The following KCNIP1 variants were observed in gnomAD, a reference collection of about 807,000 sequenced individuals.
KCNIP1 encodes A-type potassium channel modulatory protein KCNIP1.
In KCNIP1, 18 loss-of-function variants were observed where a neutral mutation model predicts 33.0. The observed-to-expected ratio is 0.55, with a 90% CI of 0.38 to 0.81. KCNIP1 has a LOEUF of 0.81. KCNIP1 is among the 30% of genes least tolerant of loss of function. The probability of loss-of-function intolerance (pLI) is 0.00; values close to 1 mark genes in which losing one functional copy is unlikely to be tolerated. For missense variants in KCNIP1, 238 were observed against 271.6 expected, an observed-to-expected ratio of 0.88 and a Z score of 0.87; for synonymous variants, 93 against 98.3, an observed-to-expected ratio of 0.95 and a Z score of 0.32.
chr5:170,731,641 C>T (rs528939392), intron 5 of KCNIP1, among the ~76,000 whole-genome samples: 11 of 147,696 alleles, frequency 7.4e-5, no homozygotes, highest in Admixed American at 4.1e-4. Flanking sequence ...GCTGCAGTGA[C>T]GGGGATTGTG....
At chr5:170,464,331 T>C (rs902096777) in intron 1 of KCNIP1, among the ~76,000 whole-genome samples, 1 of 152,194 alleles carries the variant, frequency 6.6e-6, no homozygotes, top group Non-Finnish European at 1.5e-5. Flanking sequence ...GATTTACAGA[T>C]TTAATGCAAC....
chr5:170,560,096 A>G (rs1756982046), intron 1 of KCNIP1, among the ~76,000 whole-genome samples: 1 of 152,144 alleles, frequency 6.6e-6, no homozygotes, highest in Admixed American at 6.5e-5. Context: ...CTCAGGAGCT[A>G]CCACTGAGTG....
intron 1 of KCNIP1, among the ~76,000 whole-genome samples, chr5:170,432,098 G>A (rs1755757270): frequency 6.6e-6 from 1 of 150,682 alleles, no homozygotes; most frequent in Non-Finnish European, 1.5e-5. Context: ...AAAAAAGCAA[G>A]TTGCTGGTTT....
At chr5:170,730,987 C>T (rs906393502) in intron 5 of KCNIP1, among the ~76,000 whole-genome samples, 3 of 152,044 alleles carry the variant, frequency 2.0e-5, no homozygotes. Context: ...TGTAAATAAA[C>T]AACTGAATAC....
In KCNIP1 at chr5:170,390,517, A is replaced by AATATATATATATATATATATATATAT. The variant is rs1554088940; in HGVS notation, c.88+36575_88+36576insATATATATATATATATATATATATAT. Among the ~76,000 whole-genome samples the AATATATATATATATATATATATATAT allele has an allele frequency of 1.2e-3, 91 of 74,442 alleles. 4 individuals are homozygous for AATATATATATATATATATATATATAT. The highest frequency in any genetic ancestry group is 2.8e-3 in the Admixed American group (19 of 6,802). 48.8% of individuals were successfully genotyped at this position (74,442 alleles called of 152,430 possible). On this transcript the variant is annotated intron_variant, in intron 1 of 7. Coordinates refer to the KCNIP1 transcript ENST00000377360. ...GACCCCGTCTCAAAAAAAAAAAACAAATATATATATATATATATATATTTT... is the reference window on the plus strand; with the variant it reads ...GACCCCGTCTCAAAAAAAAAAAACAAATATATATATATATATATATATATATATATATATATATATATATATATTTT...
intron 1 of KCNIP1, among the ~76,000 whole-genome samples, chr5:170,491,521 A>G (rs1757206075): frequency 6.6e-6 from 1 of 152,142 alleles, no homozygotes. Flanking sequence ...AATCTGGCTC[A>G]CAGTATAATA....
Position 170,535,758 on chromosome 5 carries a change from C to G in KCNIP1, c.61+31125C>G, listed in dbSNP as rs74833924. Among the ~76,000 whole-genome samples, 967 of 152,304 alleles carry G rather than the reference C, an allele frequency of 6.3e-3. 5 individuals are homozygous for G. The highest frequency in any genetic ancestry group is 0.021 in the African/African-American group (871 of 41,562). ...AATTAATATCATTGTAAATCTAACT[C>G]AAACATAATTAAGAAGTTAAATCTA... is the stretch of plus-strand genomic sequence containing the variant. On this transcript the variant is annotated intron_variant, in intron 1 of 7. Transcript: ENST00000328939.
At chr5:170,597,829 A>G (rs1380194735) in intron 1 of KCNIP1, among the ~76,000 whole-genome samples, 2 of 147,394 alleles carry the variant, frequency 1.4e-5, no homozygotes, top group Admixed American at 6.7e-5. Flanking sequence ...ATATATATAT[A>G]TGAAAGAAAG....
intron 1 of KCNIP1, chr5:170,669,602 G>C (rs924907264): frequency 1.0e-6 from 1 of 985,296 alleles, no homozygotes; most frequent in African/African-American, 1.7e-5. Flanking sequence ...GATACCGCTG[G>C]ATCAGCAGAA....
At chr5:170,717,397 C>T (rs1052029098) in intron 1 of KCNIP1, among the ~76,000 whole-genome samples, 1 of 152,126 alleles carries the variant, frequency 6.6e-6, no homozygotes, top group African/African-American at 2.4e-5. Context: ...AAATTGGCCA[C>T]TTGTCTCTGT....
intron 1 of KCNIP1, among the ~76,000 whole-genome samples, chr5:170,467,131 G>A (rs913551378): frequency 7.9e-5 from 12 of 152,180 alleles, no homozygotes; most frequent in African/African-American, 2.9e-4. Context: ...ATGTGCTGGC[G>A]GATGGCAAAG....
chr5:170,477,272 G>A (rs1257090450), intron 1 of KCNIP1, among the ~76,000 whole-genome samples: 1 of 151,290 alleles, frequency 6.6e-6, no homozygotes, highest in Non-Finnish European at 1.5e-5. Flanking sequence ...ACTTGGACCT[G>A]TAAATTCACT....
At chr5:170,627,172 T>G (rs1029314505) in intron 1 of KCNIP1, among the ~76,000 whole-genome samples, 1 of 152,220 alleles carries the variant, frequency 6.6e-6, no homozygotes, top group Non-Finnish European at 1.5e-5. Context: ...GAACAGGAGC[T>G]GGGTCTCTGG....
intron 7 of KCNIP1, 115 bp from the exon 8 acceptor site, chr5:170,735,644 C>T: frequency 1.1e-6 from 1 of 877,772 alleles, no homozygotes; most frequent in South Asian, 1.5e-5. Flanking sequence ...TTTTCATACC[C>T]TTGTAGAGTT....
intron 1 of KCNIP1, among the ~76,000 whole-genome samples, chr5:170,473,187 T>C (rs1474120043): frequency 6.6e-6 from 1 of 152,140 alleles, no homozygotes; most frequent in East Asian, 1.9e-4. Flanking sequence ...ATTAGTGATG[T>C]TGAGCATTTT....
chr5:170,368,874 C>T lies in KCNIP1; in HGVS notation c.88+14910C>T, dbSNP rs141046724. On this transcript the variant is annotated intron_variant, in intron 1 of 7. Transcript: ENST00000377360. Reference sequence around the variant, plus strand: ...CGCATTCTCCTCCAGCCAAACTGGTCCCCACATGTTTCCAAACCAGCCTTC... The same window carrying T: ...CGCATTCTCCTCCAGCCAAACTGGTTCCCACATGTTTCCAAACCAGCCTTC... 1.5e-3 allele frequency among the ~76,000 whole-genome samples: 225 copies of T among 152,330 alleles called. 1 individual carries two copies. The highest frequency in any genetic ancestry group is 2.9e-3 in the Non-Finnish European group (199 of 68,026).
chr5:170,542,631 T>C (rs983534903), intron 1 of KCNIP1, among the ~76,000 whole-genome samples: 5 of 152,212 alleles, frequency 3.3e-5, no homozygotes, highest in African/African-American at 1.2e-4. Flanking sequence ...AAATCACAGA[T>C]AGTGCCAAAC....
At chr5:170,408,569 C>T (rs918486171) in intron 1 of KCNIP1, among the ~76,000 whole-genome samples, 10 of 152,278 alleles carry the variant, frequency 6.6e-5, no homozygotes, top group African/African-American at 2.4e-4. Context: ...ATGTGTCAGA[C>T]AGAGAGGAAA....
Position 170,664,464 on chromosome 5 carries a change from C to T in KCNIP1, c.62-54294C>T, listed in dbSNP as rs918770037. ...GATCTAGGAGGGTAGAGTCTGGGTC[C>T]CATTCGTTTCTGTACCCTCAGTATT... On this transcript the variant is annotated intron_variant, in intron 1 of 7. Coordinates refer to ENST00000328939, the MANE Select transcript of KCNIP1 (RefSeq NM_014592.4). 1.3e-4 allele frequency among the ~76,000 whole-genome samples: 20 copies of T among 152,186 alleles called. No homozygotes were observed. In the East Asian group the frequency reaches 3.9e-3, roughly 29 times the overall value.
Sources: gnomAD v4.1 joint callset for allele counts (sites outside exome capture counted in the v4.1 genomes callset) on GRCh38, gnomAD v4.1.1 for gene constraint, MANE v1.5 for transcripts, NCBI Gene and HGNC (gene_info 2026-07-23, HGNC 2026-07-21) for gene names.